The following RANBP2 variants were observed in gnomAD, a reference collection of about 807,000 sequenced individuals.
The protein encoded by RANBP2 is E3 SUMO-protein ligase RanBP2.
A neutral mutation model predicts 303.6 loss-of-function variants in RANBP2; 57 were observed. The ratio of observed to expected loss-of-function variants is 0.19; its 90% CI spans 0.15 to 0.23. RANBP2 has a LOEUF of 0.23. RANBP2 is among the 10% of genes least tolerant of loss of function. The pLI is 1.00. For synonymous variants in RANBP2, 1,167 were observed against 1,301.5 expected, an observed-to-expected ratio of 0.90 and a Z score of 2.23; for missense variants, 3,138 against 3,780.8, an observed-to-expected ratio of 0.83 and a Z score of 4.46.
At chr2:109,614,538 G>T in the RANBP2 span, 1 of 1,292,592 alleles carries the variant, frequency 7.7e-7, no homozygotes, top group Non-Finnish European at 9.7e-7. Context: ...GGGCCCCGAG[G>T]CGGTGCTGCG....
intron 17 of RANBP2, among the ~76,000 whole-genome samples, chr2:108,756,920 T>C (rs536565955): frequency 3.3e-4 from 50 of 152,336 alleles, no homozygotes; most frequent in African/African-American, 1.2e-3. Context: ...ACTAGTTTCT[T>C]ATTGGATGTG....
At chr2:109,710,579 G>T in the RANBP2 span, among the ~76,000 whole-genome samples, 2 of 152,210 alleles carry the variant, frequency 1.3e-5, no homozygotes, top group African/African-American at 4.8e-5. Context: ...AAGCCTCAAG[G>T]ACACCAGAAG....
chr2:108,879,908 C>T, the RANBP2 span, among the ~76,000 whole-genome samples: 2 of 151,970 alleles, frequency 1.3e-5, no homozygotes, highest in Non-Finnish European at 2.9e-5. Context: ...CTAGAGTAAA[C>T]AATGTAAAAT....
chr2:108,803,790 A>C, the RANBP2 span, among the ~76,000 whole-genome samples: 1 of 152,128 alleles, frequency 6.6e-6, no homozygotes, highest in Non-Finnish European at 1.5e-5. Flanking sequence ...TTTATGGTTT[A>C]TTTAGGGCTT....
At chr2:109,283,392 G>C in the RANBP2 span, among the ~76,000 whole-genome samples, 2 of 152,200 alleles carry the variant, frequency 1.3e-5, no homozygotes, top group Non-Finnish European at 2.9e-5. Flanking sequence ...TTGAAATTGA[G>C]TGTTTTGGTG....
In RANBP2 at chr2:108,772,840, G is replaced by A. The variant is rs370617042; in HGVS notation, c.8114-28G>A. ...GAGAAGTTGGGCTTCATCTAATTTC[G>A]TTTGCTTGTGTTGTACTGATTTTTC... On this transcript the variant is annotated intron_variant, in intron 22 of 28. Coordinates refer to ENST00000283195, the MANE Select transcript of RANBP2 (RefSeq NM_006267.5). 95 of 1,609,340 alleles carry A rather than the reference G, an allele frequency of 5.9e-5. No homozygotes were observed. In the African/African-American group the frequency reaches 9.2e-4, roughly 16 times the overall value.
chr2:109,518,057 G>A, the RANBP2 span, among the ~76,000 whole-genome samples: 1 of 152,232 alleles, frequency 6.6e-6, no homozygotes, highest in Admixed American at 6.5e-5. Flanking sequence ...TACCTGGTGT[G>A]CAGCCATGAA....
chr2:109,237,429 G>C, the RANBP2 span, among the ~76,000 whole-genome samples: 1 of 152,196 alleles, frequency 6.6e-6, no homozygotes, highest in Non-Finnish European at 1.5e-5. Context: ...GGAGAAGGTT[G>C]GTGGAAGGCT....
At chr2:109,343,482 C>G in the RANBP2 span, among the ~76,000 whole-genome samples, 1 of 152,158 alleles carries the variant, frequency 6.6e-6, no homozygotes, top group African/African-American at 2.4e-5. Flanking sequence ...ACAGGGGGCT[C>G]TCTTGCCTTC....
At chr2:108,879,825 T>C in the RANBP2 span, among the ~76,000 whole-genome samples, 1 of 152,054 alleles carries the variant, frequency 6.6e-6, no homozygotes, top group African/African-American at 2.4e-5. Context: ...CATATTAGAG[T>C]TGTGACTAGA....
the RANBP2 span, among the ~76,000 whole-genome samples, chr2:109,222,119 C>G: frequency 1.3e-5 from 2 of 152,042 alleles, no homozygotes; most frequent in Admixed American, 6.5e-5. Context: ...ATTGGACGAT[C>G]TCACTCATAT....
At chr2:109,364,795 A>G in the RANBP2 span, among the ~76,000 whole-genome samples, 1 of 152,176 alleles carries the variant, frequency 6.6e-6, no homozygotes, top group Non-Finnish European at 1.5e-5. Context: ...AGGCTCTCAT[A>G]AAACCCCAAT....
At chr2:108,975,352 G>A in the RANBP2 span, among the ~76,000 whole-genome samples, 1 of 152,240 alleles carries the variant, frequency 6.6e-6, no homozygotes, top group African/African-American at 2.4e-5. Flanking sequence ...GGAGGCTGGG[G>A]GCAAGGGAGC....
chr2:109,143,586 T>G, the RANBP2 span, among the ~76,000 whole-genome samples: 6,164 of 151,002 alleles, frequency 0.041, 369 homozygotes, highest in African/African-American at 0.14. Flanking sequence ...CTACAAAAAA[T>G]AAAAAAAGAA....
the RANBP2 span, among the ~76,000 whole-genome samples, chr2:109,700,336 A>G: frequency 6.6e-6 from 1 of 152,184 alleles, no homozygotes; most frequent in Non-Finnish European, 1.5e-5. Flanking sequence ...AGTCCTGATG[A>G]CGTACCTAAG....
At chr2:109,199,632 T>TCAACGCGAGTGCA in the RANBP2 span, among the ~76,000 whole-genome samples, 1 of 68 alleles carries the variant, frequency 0.015, no homozygotes, top group Admixed American at 0.062. Flanking sequence ...TGGAATGGAA[T>TCAACGCGAGTGCA]GGAATGGAAT....
chr2:109,653,847 T>G, the RANBP2 span, among the ~76,000 whole-genome samples: 1 of 152,154 alleles, frequency 6.6e-6, no homozygotes, highest in African/African-American at 2.4e-5. Flanking sequence ...CTTTTCTAGC[T>G]CTTCAGGTAG....
the RANBP2 span, among the ~76,000 whole-genome samples, chr2:109,067,064 A>G: frequency 1.3e-5 from 2 of 151,962 alleles, no homozygotes; most frequent in Admixed American, 6.6e-5. Context: ...GAGGCAAAAT[A>G]AAAAGGAATA....
chr2:109,599,210 C>G, the RANBP2 span, among the ~76,000 whole-genome samples: 1 of 152,144 alleles, frequency 6.6e-6, no homozygotes, highest in Non-Finnish European at 1.5e-5. Flanking sequence ...GTAACCCCAG[C>G]ACTCTGGGAG....
Sources: allele counts gnomAD v4.1 joint callset (sites outside exome capture counted in the v4.1 genomes callset), GRCh38; gene constraint gnomAD v4.1.1; transcripts MANE v1.5; gene names NCBI Gene and HGNC (gene_info 2026-07-23, HGNC 2026-07-21).